The following ATP2B2 variants were observed in gnomAD, a reference collection of about 807,000 sequenced individuals.
ATP2B2 encodes the protein ATPase plasma membrane Ca2+ transporting 2.
A neutral mutation model predicts 120.0 loss-of-function variants in ATP2B2; 15 were observed. The ratio of observed to expected loss-of-function variants is 0.12; its 90% CI spans 0.08 to 0.19. The LOEUF (loss-of-function observed/expected upper bound fraction) is 0.19, where lower values mean the gene tolerates loss of function less well. Among genes scored for constraint, ATP2B2 ranks in the 10% least tolerant of loss-of-function variants. The pLI is 1.00. For missense variants in ATP2B2, 1,045 were observed against 1,719.8 expected (o/e 0.61, Z 6.94); for synonymous variants, 694 against 700.3 (o/e 0.99, Z 0.14).
intron 2 of ATP2B2, among the ~76,000 whole-genome samples, chr3:10,596,860 G>T (rs1219513055): frequency 6.6e-6 from 1 of 152,196 alleles, no homozygotes; most frequent in African/African-American, 2.4e-5. Flanking sequence ...AGGCTGCAGG[G>T]AGCCAGAGAG....
intron 2 of ATP2B2, among the ~76,000 whole-genome samples, chr3:10,415,824 A>G (rs1368633741): frequency 1.3e-5 from 2 of 152,214 alleles, no homozygotes; most frequent in Non-Finnish European, 2.9e-5. Flanking sequence ...AGAAACACAA[A>G]TGTCCAGACA....
intron 1 of ATP2B2, among the ~76,000 whole-genome samples, chr3:10,655,385 A>T (rs1319372013): frequency 2.0e-5 from 3 of 152,252 alleles, no homozygotes; most frequent in Non-Finnish European, 2.9e-5. Flanking sequence ...GCCTCCCTCC[A>T]GACCTGCTCA....
intron 2 of ATP2B2, among the ~76,000 whole-genome samples, chr3:10,571,248 A>G (rs192300946): frequency 6.6e-6 from 1 of 152,330 alleles, no homozygotes; most frequent in Non-Finnish European, 1.5e-5. Context: ...TAGCTCCCCC[A>G]AGATGGGCAG....
rs576320310 is a variant in ATP2B2 at position 10,513,281 on chromosome 3, A to G, written c.-320+20758T>C. Among the ~76,000 whole-genome samples the G allele has an allele frequency of 4.6e-5, 7 of 152,274 alleles. No homozygotes were observed. In the East Asian group the frequency reaches 1.4e-3, roughly 29 times the overall value. On this transcript the variant is annotated intron_variant, in intron 3 of 21. Coordinates refer to the ATP2B2 transcript ENST00000646379. ...GAGTTCAGTAGGTAAGAGGAGAGGC[A>G]GTGTTGCCGACAAAGGGTGTGGCTT...
chr3:10,672,769 C>G (rs988082094), intron 1 of ATP2B2, among the ~76,000 whole-genome samples: 1 of 152,192 alleles, frequency 6.6e-6, no homozygotes, highest in Non-Finnish European at 1.5e-5. Flanking sequence ...TTTATTAGCA[C>G]GAATCCTACC....
At chr3:10,451,825 C>T (rs1350307347) in intron 1 of ATP2B2, among the ~76,000 whole-genome samples, 1 of 152,160 alleles carries the variant, frequency 6.6e-6, no homozygotes, top group Non-Finnish European at 1.5e-5. Context: ...CAATGTATTC[C>T]TCGGAGAAGC....
At chr3:10,436,755 G>A (rs17032886) in intron 2 of ATP2B2, among the ~76,000 whole-genome samples, 3,853 of 152,186 alleles carry the variant, frequency 0.025, 171 homozygotes, top group African/African-American at 0.087. Context: ...TACGACCGAC[G>A]TGCCTTAGTG....
intron 1 of ATP2B2, among the ~76,000 whole-genome samples, chr3:10,624,973 G>A (rs544387765): frequency 3.9e-5 from 6 of 152,300 alleles, no homozygotes; most frequent in Non-Finnish European, 5.9e-5. Context: ...ATGGGAAAGC[G>A]GGCCTTTCTG....
intron 1 of ATP2B2, among the ~76,000 whole-genome samples, chr3:10,699,593 C>A (rs932176722): frequency 1.0e-3 from 158 of 152,216 alleles, no homozygotes; most frequent in African/African-American, 3.7e-3. Flanking sequence ...TTTCCATAAT[C>A]ATTATATAAC....
chr3:10,440,153 A>T (rs2063614859), intron 2 of ATP2B2, among the ~76,000 whole-genome samples: 1 of 142,746 alleles, frequency 7.0e-6, no homozygotes, highest in Non-Finnish European at 1.5e-5. Context: ...TCTCTGGTTC[A>T]TGGTGGTGGG....
intron 11 of ATP2B2, 25 bp from the exon 12 acceptor site, chr3:10,372,076 G>A (rs765850641): frequency 1.5e-5 from 24 of 1,613,856 alleles, no homozygotes; most frequent in Non-Finnish European, 1.8e-5. Flanking sequence ...AGGTGAGAGG[G>A]CAACAGTGAG....
At chr3:10,454,571 G>T (rs929512305) in intron 1 of ATP2B2, among the ~76,000 whole-genome samples, 2 of 152,150 alleles carry the variant, frequency 1.3e-5, no homozygotes, top group Non-Finnish European at 2.9e-5. Flanking sequence ...GCAAACATGA[G>T]GTCACCCCTT....
intron 1 of ATP2B2, among the ~76,000 whole-genome samples, chr3:10,504,620 A>G (rs1177673570): frequency 6.6e-6 from 1 of 151,682 alleles, no homozygotes; most frequent in East Asian, 2.0e-4. Context: ...GGTGTGGAAT[A>G]GCTACTTGGC....
intron 2 of ATP2B2, among the ~76,000 whole-genome samples, chr3:10,589,896 A>G (rs1352738664): frequency 6.6e-6 from 1 of 152,264 alleles, no homozygotes; most frequent in African/African-American, 2.4e-5. Context: ...AAGGTGTGAC[A>G]TAAACCTACC....
At chr3:10,429,045 T>C (rs1301762173) in intron 2 of ATP2B2, among the ~76,000 whole-genome samples, 1 of 152,212 alleles carries the variant, frequency 6.6e-6, no homozygotes, top group Non-Finnish European at 1.5e-5. Context: ...CAGCCTCCTG[T>C]TGTCCAGCCC....
intron 1 of ATP2B2, among the ~76,000 whole-genome samples, chr3:10,644,101 A>T (rs1392865774): frequency 6.6e-6 from 1 of 152,228 alleles, no homozygotes; most frequent in Non-Finnish European, 1.5e-5. Context: ...AACCCAATTT[A>T]AAAATGGGCA....
intron 2 of ATP2B2, among the ~76,000 whole-genome samples, chr3:10,446,423 T>C (rs1390729337): frequency 1.3e-5 from 2 of 152,230 alleles, no homozygotes; most frequent in East Asian, 3.8e-4. Flanking sequence ...ACTACCCGTG[T>C]GTCAGGGACT....
chr3:10,654,317 C>T (rs1342174773), intron 1 of ATP2B2, among the ~76,000 whole-genome samples: 2 of 152,134 alleles, frequency 1.3e-5, no homozygotes, highest in South Asian at 2.1e-4. Flanking sequence ...AGGGCAGTAT[C>T]GGTTCATCTT....
intron 2 of ATP2B2, among the ~76,000 whole-genome samples, chr3:10,535,532 C>G (rs1200810792): frequency 2.0e-5 from 3 of 152,180 alleles, no homozygotes; most frequent in Non-Finnish European, 4.4e-5. Context: ...AGTCATGCCC[C>G]TCATCCCTAA....
Sources: gnomAD v4.1 joint callset for allele counts (sites outside exome capture counted in the v4.1 genomes callset) on GRCh38, gnomAD v4.1.1 for gene constraint, MANE v1.5 for transcripts, NCBI Gene and HGNC (gene_info 2026-07-23, HGNC 2026-07-21) for gene names.